Variants in PTGER4 observed in about 807,000 individuals in gnomAD.
The protein encoded by PTGER4 is prostaglandin E receptor 4.
In PTGER4, 11 loss-of-function variants were observed where a neutral mutation model predicts 33.2. The observed-to-expected ratio is 0.33, with a 90% confidence interval of 0.21 to 0.55. PTGER4 has a LOEUF of 0.55. Ranked by LOEUF, PTGER4 falls within the 20% of genes least tolerant of loss-of-function variation. The probability of loss-of-function intolerance (pLI) is 0.92; values close to 1 mark genes in which losing one functional copy is unlikely to be tolerated. For missense variants in PTGER4, 481 were observed against 650.2 expected (o/e 0.74, Z 2.83); for synonymous variants, 275 against 281.5 (o/e 0.98, Z 0.23).
intron 2 of PTGER4, among the ~76,000 whole-genome samples, chr5:40,689,406 G>A (rs1350987891): frequency 1.3e-5 from 2 of 152,118 alleles, no homozygotes; most frequent in Non-Finnish European, 2.9e-5. Flanking sequence ...TGATTTTGCA[G>A]ATTAATGAAA....
the PTGER4 span, among the ~76,000 whole-genome samples, chr5:40,709,597 G>T: frequency 2.6e-5 from 4 of 152,166 alleles, no homozygotes; most frequent in Non-Finnish European, 5.9e-5. Context: ...TCATGAAAAT[G>T]GCCATACTGC....
chr5:40,697,278 GAAAGAA>G (rs1224032696), downstream of PTGER4, among the ~76,000 whole-genome samples: 2 of 129,746 alleles, frequency 1.5e-5, no homozygotes, highest in African/African-American at 5.2e-5. Context: ...AAGAAAGAAA[GAAAGAA>G]AGAAAGAAAG....
chr5:40,726,920 T>C, the PTGER4 span, among the ~76,000 whole-genome samples: 4 of 152,172 alleles, frequency 2.6e-5, no homozygotes, highest in Admixed American at 6.5e-5. Context: ...CCAACTCTGG[T>C]ATGATTTAAG....
chr5:40,724,482 A>C, the PTGER4 span, among the ~76,000 whole-genome samples: 2 of 152,024 alleles, frequency 1.3e-5, no homozygotes, highest in African/African-American at 4.8e-5. Context: ...AAATTACAAA[A>C]ATTAGCCAGA....
the PTGER4 span, among the ~76,000 whole-genome samples, chr5:40,719,450 C>A: frequency 6.6e-6 from 1 of 152,240 alleles, no homozygotes; most frequent in South Asian, 2.1e-4. Context: ...ATCTATTTGT[C>A]AGTTGATGGC....
chr5:40,722,714 C>T, the PTGER4 span, among the ~76,000 whole-genome samples: 125 of 151,716 alleles, frequency 8.2e-4, no homozygotes, highest in African/African-American at 1.5e-3. Flanking sequence ...GCCCGGCCAG[C>T]GCCCCGTCCG....
At chr5:40,693,755 G>C, downstream of PTGER4, 1 of 970,622 alleles carries the variant, frequency 1.0e-6, no homozygotes, top group African/African-American at 1.8e-5. Flanking sequence ...CATATCCTCA[G>C]TTTGGGAAAA....
the PTGER4 span, among the ~76,000 whole-genome samples, chr5:40,721,557 C>CA: frequency 6.6e-6 from 1 of 151,832 alleles, no homozygotes; most frequent in Non-Finnish European, 1.5e-5. Context: ...TATCCGCGTG[C>CA]AAAAGAATGA....
chr5:40,710,684 C>A, the PTGER4 span, among the ~76,000 whole-genome samples: 29 of 152,138 alleles, frequency 1.9e-4, no homozygotes, highest in Non-Finnish European at 4.0e-4. Context: ...ACCCAAATAT[C>A]CAACAATGAT....
chr5:40,717,708 T>A, the PTGER4 span, among the ~76,000 whole-genome samples: 7 of 152,332 alleles, frequency 4.6e-5, no homozygotes, highest in Admixed American at 2.6e-4. Flanking sequence ...TATATGTTGT[T>A]TTCTCTGAGT....
the PTGER4 span, among the ~76,000 whole-genome samples, chr5:40,721,911 T>C: frequency 1.3e-5 from 2 of 152,182 alleles, no homozygotes; most frequent in Non-Finnish European, 2.9e-5. Context: ...AGGTTTTAAC[T>C]TTCAAATATA....
chr5:40,686,043 T>TC (rs1359415741), intron 2 of PTGER4, among the ~76,000 whole-genome samples: 1 of 152,182 alleles, frequency 6.6e-6, no homozygotes, highest in Non-Finnish European at 1.5e-5. Context: ...AACCAAGCTC[T>TC]CCTACACACC....
the PTGER4 span, among the ~76,000 whole-genome samples, chr5:40,712,844 A>G: frequency 2.0e-5 from 3 of 152,264 alleles, no homozygotes; most frequent in African/African-American, 7.2e-5. Flanking sequence ...TGACCAAAGT[A>G]GTTCATATAT....
chr5:40,725,580 G>A, the PTGER4 span, among the ~76,000 whole-genome samples: 1 of 152,092 alleles, frequency 6.6e-6, no homozygotes, highest in Non-Finnish European at 1.5e-5. Context: ...AAGCCACAAA[G>A]CTAGTTCCAG....
chr5:40,736,032 G>A, the PTGER4 span, among the ~76,000 whole-genome samples: 2 of 152,170 alleles, frequency 1.3e-5, no homozygotes, highest in African/African-American at 2.4e-5. Context: ...AAGAAGGACC[G>A]AGAGAAAAGA....
chr5:40,704,413 G>A, the PTGER4 span, among the ~76,000 whole-genome samples: 4 of 152,098 alleles, frequency 2.6e-5, no homozygotes, highest in African/African-American at 9.7e-5. Flanking sequence ...CATTCCCCTC[G>A]AAAACTGGCT....
downstream of PTGER4, among the ~76,000 whole-genome samples, chr5:40,697,141 GGAAA>G (rs750592230): frequency 5.1e-4 from 36 of 70,526 alleles, no homozygotes; most frequent in Non-Finnish European, 6.8e-4. Context: ...AAGGAAGGAA[GGAAA>G]GAAAGAGAAA....
At chr5:40,743,411 CAG>C in the PTGER4 span, among the ~76,000 whole-genome samples, 1 of 152,112 alleles carries the variant, frequency 6.6e-6, no homozygotes, top group African/African-American at 2.4e-5. Context: ...GGCAGGGACT[CAG>C]TATTTTTTTT....
the PTGER4 span, among the ~76,000 whole-genome samples, chr5:40,701,023 G>T: frequency 6.8e-6 from 1 of 147,860 alleles, no homozygotes; most frequent in Non-Finnish European, 1.5e-5. Context: ...ATCCAGAAAA[G>T]AAGCCTATTG....
Sources: allele counts gnomAD v4.1 joint callset (sites outside exome capture counted in the v4.1 genomes callset), GRCh38; gene constraint gnomAD v4.1.1; transcripts MANE v1.5; gene names NCBI Gene and HGNC (gene_info 2026-07-23, HGNC 2026-07-21).